The following KANSL1L variants were observed in gnomAD, a reference collection of about 807,000 sequenced individuals.
The protein encoded by KANSL1L is KAT8 regulatory NSL complex subunit 1-like protein.
KANSL1L carries 25 observed loss-of-function variants against 108.6 expected under a neutral mutation model. The ratio of observed to expected loss-of-function variants is 0.23; its 90% CI spans 0.17 to 0.32. The LOEUF is 0.32. KANSL1L is among the 10% of genes least tolerant of loss of function. KANSL1L has a pLI of 1.00. For missense variants in KANSL1L, 1,137 were observed against 1,125.7 expected, an observed-to-expected ratio of 1.01 and a Z score of -0.14; for synonymous variants, 405 against 395.1, an observed-to-expected ratio of 1.03 and a Z score of -0.30.
intron 8 of KANSL1L, among the ~76,000 whole-genome samples, chr2:210,038,463 GA>G (rs995188350): frequency 6.6e-5 from 10 of 151,986 alleles, no homozygotes; most frequent in African/African-American, 2.4e-4. Context: ...CAAAATTGAT[GA>G]TTATAATGTT....
chr2:210,042,555 C>T (rs914228623), intron 7 of KANSL1L, among the ~76,000 whole-genome samples: 5 of 151,910 alleles, frequency 3.3e-5, no homozygotes, highest in Admixed American at 1.3e-4. Flanking sequence ...ATTTATTAGC[C>T]GAGTAATCTT....
At chr2:210,068,380 G>C (rs999164918) in intron 6 of KANSL1L, among the ~76,000 whole-genome samples, 3 of 151,898 alleles carry the variant, frequency 2.0e-5, no homozygotes, top group Non-Finnish European at 2.9e-5. Context: ...CACACACACA[G>C]AGAATGCAAA....
At chr2:210,112,723 T>C (rs2094920449) in intron 3 of KANSL1L, among the ~76,000 whole-genome samples, 1 of 152,168 alleles carries the variant, frequency 6.6e-6, no homozygotes, top group Admixed American at 6.5e-5. Flanking sequence ...GTAATTAGCA[T>C]ATCCATCACC....
rs1219845030 is a variant in KANSL1L at position 210,022,608 on chromosome 2, A to ATG, written c.*339_*340dup. On this transcript the variant is annotated 3_prime_UTR_variant, in exon 15 of 15. Coordinates refer to ENST00000281772, the MANE Select transcript of KANSL1L (RefSeq NM_152519.4). ...TCACTTGGCACACAGGTTTGTATGTATGTGTATATATATATGTATGTATGT... is the reference window on the plus strand; with the variant it reads ...TCACTTGGCACACAGGTTTGTATGTATGTGTGTATATATATATGTATGTATGT... 1.4e-5 allele frequency: 3 copies of ATG among 210,394 alleles called. No individual in the cohort carries two copies. Among genetic ancestry groups the ATG allele is most frequent in the South Asian group, 8.4e-5 (1 of 11,888 alleles). The allele number at this position is 210,394 out of a possible 1,614,324, so 13.0% of individuals were successfully genotyped here. A position where few individuals can be genotyped will look rare whatever the true frequency, so the allele number is the denominator to read the frequency against.
chr2:210,106,964 T>C (rs1428729998), intron 3 of KANSL1L, among the ~76,000 whole-genome samples: 1 of 151,774 alleles, frequency 6.6e-6, no homozygotes, highest in African/African-American at 2.4e-5. Context: ...CAGCAGAGAG[T>C]TTCTGTTCTT....
chr2:210,038,963 G>A (rs1180933903), intron 8 of KANSL1L, among the ~76,000 whole-genome samples: 1 of 151,806 alleles, frequency 6.6e-6, no homozygotes, highest in African/African-American at 2.4e-5. Flanking sequence ...TGTTGTTGTT[G>A]TCATTATTAT....
chr2:210,067,485 C>T (rs922788094), intron 6 of KANSL1L, among the ~76,000 whole-genome samples: 2 of 151,870 alleles, frequency 1.3e-5, no homozygotes, highest in Non-Finnish European at 2.9e-5. Context: ...GATACTTGAG[C>T]TCAGAAGTTT....
At position 210,040,440 on chromosome 2, in the gene KANSL1L, T is replaced by C. The variant is rs753226375; in HGVS notation, c.2009A>G (p.Tyr670Cys). 6.8e-6 allele frequency: 10 copies of C among 1,481,092 alleles called. No individual in the cohort carries two copies. The East Asian group carries it at 1.8e-4, about 27-fold the overall frequency. The allele number at this position is 1,481,092 out of a possible 1,614,324, so 91.7% of individuals were successfully genotyped here. The change falls in exon 8 of 15, where the codon TAT (tyrosine) becomes TGT (cysteine). Residue 670 changes from tyrosine to cysteine, a missense_variant. Physicochemically the swap from Tyr to Cys is radical, Grantham distance 194. Coordinates refer to ENST00000281772, the MANE Select transcript of KANSL1L (RefSeq NM_152519.4). ...NLAENKFVDE[Y>C]IISPSPVHST... is the part of the protein sequence containing the mutation. ...CATACCAGGTGATGGAGATATGATA[T>C]ATTCATCTACAAATTTATTTTCAGC... is the stretch of plus-strand genomic sequence containing the variant.
chr2:210,076,018 C>A (rs2094539728), intron 5 of KANSL1L, among the ~76,000 whole-genome samples: 1 of 152,100 alleles, frequency 6.6e-6, no homozygotes, highest in Admixed American at 6.5e-5. Flanking sequence ...CATGAGTTTA[C>A]TAGTGTAATG....
intron 1 of KANSL1L, among the ~76,000 whole-genome samples, chr2:210,167,760 C>T (rs917447453): frequency 1.3e-5 from 2 of 151,926 alleles, no homozygotes; most frequent in East Asian, 1.9e-4. Context: ...TGAATTTTCA[C>T]GTCCATACAG....
At chr2:210,073,887 C>T (rs2539008) in intron 6 of KANSL1L, among the ~76,000 whole-genome samples, 143,539 of 152,208 alleles carry the variant, frequency 0.94, 68,247 homozygotes, top group East Asian at 1. Flanking sequence ...CAATTATTTA[C>T]TGAGCACATT....
chr2:210,025,008 T>A (rs767397210), intron 13 of KANSL1L, 96 bp downstream of exon 13: 8 of 754,676 alleles, frequency 1.1e-5, no homozygotes, highest in Admixed American at 1.9e-5. Context: ...TACAACAGCA[T>A]GTTTTCCTTT....
At chr2:210,133,140 T>G (rs1246293239) in intron 2 of KANSL1L, among the ~76,000 whole-genome samples, 1 of 152,058 alleles carries the variant, frequency 6.6e-6, no homozygotes, top group Non-Finnish European at 1.5e-5. Flanking sequence ...CAGGACCCCC[T>G]GAGGATACCA....
Position 210,024,150 on chromosome 2 carries a change from A to C in KANSL1L, c.2616T>G (p.Pro872=), listed in dbSNP as rs755246833. The C allele has an allele frequency of 1.9e-6, 3 of 1,609,152 alleles. No individual in the cohort carries two copies. The highest frequency in any genetic ancestry group is 3.4e-5 in the Admixed American group (2 of 59,200). The part of the protein sequence containing the change: ...EGQDLLLKEY[P]NNFSSSQQCA... ...ATTGCTGACTGCTACTGAAGTTATT[A>C]GGGTATTCTTTCAAAAGCAAGTCCT... is the stretch of plus-strand genomic sequence containing the variant. Residue 872 remains proline, a synonymous_variant, in exon 14 of 15, where the codon CCT becomes CCG. Coordinates refer to ENST00000281772, the MANE Select transcript of KANSL1L (RefSeq NM_152519.4).
chr2:210,096,810 T>C (rs899643627), intron 5 of KANSL1L: 6 of 926,930 alleles, frequency 6.5e-6, no homozygotes, highest in Middle Eastern at 5.5e-4. Context: ...GCAAAACCAA[T>C]AGAACTGTTC....
At chr2:210,060,283 A>G (rs2094405747) in intron 6 of KANSL1L, among the ~76,000 whole-genome samples, 1 of 152,254 alleles carries the variant, frequency 6.6e-6, no homozygotes, top group Non-Finnish European at 1.5e-5. Context: ...AACAATGATG[A>G]TACAGACTAC....
chr2:210,093,074 T>C (rs974296778), intron 5 of KANSL1L, among the ~76,000 whole-genome samples: 2 of 152,214 alleles, frequency 1.3e-5, no homozygotes, highest in Non-Finnish European at 2.9e-5. Flanking sequence ...CTCTACTAAA[T>C]ACAAAGATTT....
At chr2:210,138,787 A>C (rs2125581722) in intron 2 of KANSL1L, among the ~76,000 whole-genome samples, 1 of 152,270 alleles carries the variant, frequency 6.6e-6, no homozygotes, top group Non-Finnish European at 1.5e-5. Context: ...AACAACATTG[A>C]AAATATCATA....
intron 6 of KANSL1L, among the ~76,000 whole-genome samples, chr2:210,049,343 AT>A (rs199687913): frequency 8.2e-4 from 105 of 128,074 alleles, no homozygotes; most frequent in African/African-American, 2.7e-3. Flanking sequence ...TATTCTGAGG[AT>A]TTTTTTTTAA....
Sources: gnomAD v4.1 joint callset for allele counts (sites outside exome capture counted in the v4.1 genomes callset) on GRCh38, gnomAD v4.1.1 for gene constraint, MANE v1.5 for transcripts, NCBI Gene and HGNC (gene_info 2026-07-23, HGNC 2026-07-21) for gene names.